Variants in SLC4A4 observed in about 807,000 individuals in gnomAD.
The protein encoded by SLC4A4 is electrogenic sodium bicarbonate cotransporter 1.
SLC4A4 carries 27 observed loss-of-function variants against 111.5 expected under a neutral mutation model. The observed-to-expected ratio is 0.24, with a 90% CI of 0.18 to 0.33. SLC4A4 has a LOEUF of 0.33. Ranked by LOEUF, SLC4A4 falls within the 10% of genes least tolerant of loss-of-function variation. The pLI is 1.00. For missense variants in SLC4A4, 909 were observed against 1,315.5 expected, an observed-to-expected ratio of 0.69 and a Z score of 4.78; for synonymous variants, 443 against 463.4, an observed-to-expected ratio of 0.96 and a Z score of 0.57.
At chr4:71,261,236 G>A (rs1257404166) in intron 3 of SLC4A4, among the ~76,000 whole-genome samples, 1 of 152,214 alleles carries the variant, frequency 6.6e-6, no homozygotes, top group East Asian at 1.9e-4. Flanking sequence ...GCTGTCTCTT[G>A]TGCTGCTCTT....
chr4:71,346,123 T>C lies in SLC4A4; in HGVS notation c.390-3789T>C, dbSNP rs1578884512. Among the ~76,000 whole-genome samples the C allele has an allele frequency of 3.3e-5, 5 of 152,204 alleles. 1 individual carries two copies. The highest frequency in any genetic ancestry group is 3.3e-4 in the Admixed American group (5 of 15,272). ...ATATTTAATCATATGATTGGAAAGT[T>C]GCAAAATTCAGTGATTCCCAGTGGG... On this transcript the variant is annotated intron_variant, in intron 4 of 25. Coordinates refer to ENST00000264485, the MANE Select transcript of SLC4A4 (RefSeq NM_001098484.3).
At chr4:71,182,102 T>C (rs1003795638) in intron 2 of SLC4A4, among the ~76,000 whole-genome samples, 1 of 152,232 alleles carries the variant, frequency 6.6e-6, no homozygotes, top group African/African-American at 2.4e-5. Context: ...CAGGAACTTT[T>C]CTTGTTCTAG....
chr4:71,205,886 C>T (rs1717730346), intron 1 of SLC4A4, among the ~76,000 whole-genome samples: 1 of 152,142 alleles, frequency 6.6e-6, no homozygotes, highest in Non-Finnish European at 1.5e-5. Context: ...TTTTATCTAC[C>T]ATCAGTCATG....
chr4:71,496,690 C>T (rs76476926), intron 15 of SLC4A4, among the ~76,000 whole-genome samples: 1,549 of 152,022 alleles, frequency 0.01, 17 homozygotes, highest in Non-Finnish European at 0.014. Flanking sequence ...AAAGGATTCT[C>T]CTATGTATTA....
At chr4:71,339,183 G>T in intron 3 of SLC4A4, 187 bp from the exon 4 acceptor site, 1 of 1,613,966 alleles carries the variant, frequency 6.2e-7, no homozygotes, top group Non-Finnish European at 8.5e-7. Flanking sequence ...AGAACCAAAG[G>T]AATAGAGAAG....
At chr4:71,306,456 A>G (rs960141091) in intron 3 of SLC4A4, among the ~76,000 whole-genome samples, 1 of 151,864 alleles carries the variant, frequency 6.6e-6, no homozygotes, top group Admixed American at 6.6e-5. Context: ...TGGTGCTTGC[A>G]CCTGTAGTCC....
At chr4:71,107,057 C>T (rs1246680497) in intron 2 of SLC4A4, among the ~76,000 whole-genome samples, 1 of 151,250 alleles carries the variant, frequency 6.6e-6, no homozygotes, top group Admixed American at 6.6e-5. Flanking sequence ...TTATTGCTTG[C>T]ATGGAATATT....
intron 6 of SLC4A4, among the ~76,000 whole-genome samples, chr4:71,373,452 G>A (rs540393053): frequency 2.5e-4 from 38 of 152,310 alleles, no homozygotes; most frequent in African/African-American, 8.9e-4. Context: ...TGTAGTAAGA[G>A]CAGGGTGAGA....
chr4:71,335,757 G>A (rs566656696), intron 3 of SLC4A4, among the ~76,000 whole-genome samples: 31 of 152,032 alleles, frequency 2.0e-4, no homozygotes, highest in African/African-American at 6.5e-4. Flanking sequence ...CCCGGGAGGC[G>A]GAGCTTGCAG....
chr4:71,217,028 A>G (rs559287369), intron 1 of SLC4A4, among the ~76,000 whole-genome samples: 13 of 152,352 alleles, frequency 8.5e-5, no homozygotes, highest in Non-Finnish European at 1.5e-4. Flanking sequence ...CATTCACTTT[A>G]TAAAAATTCT....
chr4:71,345,920 C>G (rs549603101), intron 4 of SLC4A4, among the ~76,000 whole-genome samples: 10 of 151,946 alleles, frequency 6.6e-5, no homozygotes, highest in Non-Finnish European at 1.3e-4. Context: ...TCATTTTTCC[C>G]AGGTACACAC....
chr4:71,272,128 A>G (rs1345648665), intron 3 of SLC4A4, among the ~76,000 whole-genome samples: 1 of 152,164 alleles, frequency 6.6e-6, no homozygotes, highest in Admixed American at 6.5e-5. Context: ...TAGTGTTTCT[A>G]CTTTATCCAA....
chr4:71,311,005 C>CA, intron 3 of SLC4A4, among the ~76,000 whole-genome samples: 1 of 152,032 alleles, frequency 6.6e-6, no homozygotes, highest in East Asian at 1.9e-4. Flanking sequence ...AAATGGAAAG[C>CA]AAAAAACAAA....
chr4:71,283,342 T>C (rs1723673932), intron 3 of SLC4A4, among the ~76,000 whole-genome samples: 2 of 152,194 alleles, frequency 1.3e-5, no homozygotes. Flanking sequence ...ACAGAGTGTC[T>C]GCAATAGCTG....
intron 3 of SLC4A4, among the ~76,000 whole-genome samples, chr4:71,265,817 A>G (rs758004825): frequency 2.0e-5 from 3 of 152,142 alleles, no homozygotes; most frequent in Admixed American, 6.6e-5. Flanking sequence ...TGTTCCTCCT[A>G]TAAGAAACTT....
chr4:71,552,519 T>C (rs1274506043), intron 20 of SLC4A4, among the ~76,000 whole-genome samples: 1 of 151,882 alleles, frequency 6.6e-6, no homozygotes, highest in Non-Finnish European at 1.5e-5. Flanking sequence ...TCAAATACTA[T>C]CAGCACATCA....
chr4:71,421,162 C>G (rs1482980039), intron 7 of SLC4A4, among the ~76,000 whole-genome samples: 1 of 150,520 alleles, frequency 6.6e-6, no homozygotes, highest in African/African-American at 2.4e-5. Context: ...AAATGGAAAA[C>G]AAAAAAAGGT....
At chr4:71,399,449 GTCCCCTCCCCTCCGT>G (rs1206840044) in intron 7 of SLC4A4, among the ~76,000 whole-genome samples, 2 of 61,914 alleles carry the variant, frequency 3.2e-5, no homozygotes, top group Non-Finnish European at 6.2e-5. Flanking sequence ...CTCCCCTTCC[GTCCCCTCCCCTCCGT>G]TCCCCTCCCC....
intron 7 of SLC4A4, among the ~76,000 whole-genome samples, chr4:71,425,472 C>A (rs1050689166): frequency 6.6e-6 from 1 of 152,054 alleles, no homozygotes; most frequent in Non-Finnish European, 1.5e-5. Flanking sequence ...CTTGTGTAAA[C>A]CAAAAAGTAT....
Sources: gnomAD v4.1 joint callset for allele counts (sites outside exome capture counted in the v4.1 genomes callset) on GRCh38, gnomAD v4.1.1 for gene constraint, MANE v1.5 for transcripts, NCBI Gene and HGNC (gene_info 2026-07-23, HGNC 2026-07-21) for gene names.